The following FHOD3 variants were observed in gnomAD, a reference collection of about 807,000 sequenced individuals.
FHOD3 encodes FH1/FH2 domain-containing protein 3.
In FHOD3, 90 loss-of-function variants were observed where a neutral mutation model predicts 173.0. The ratio of observed to expected loss-of-function variants is 0.52; its 90% CI spans 0.44 to 0.62. FHOD3 has a LOEUF of 0.62. FHOD3 is among the 20% of genes least tolerant of loss of function. The probability of loss-of-function intolerance (pLI) is 0.00; values close to 1 mark genes in which losing one functional copy is unlikely to be tolerated. For missense variants in FHOD3, 1,945 were observed against 2,034.7 expected (o/e 0.96, Z 0.85); for synonymous variants, 828 against 823.0 (o/e 1.01, Z -0.10).
At chr18:36,402,364 A>G (rs1446944797) in intron 3 of FHOD3, among the ~76,000 whole-genome samples, 3 of 152,168 alleles carry the variant, frequency 2.0e-5, no homozygotes, top group Admixed American at 6.6e-5. Context: ...TTATATACAC[A>G]CATAACCCAT....
At chr18:36,479,219 A>T (rs1053999056) in intron 3 of FHOD3, among the ~76,000 whole-genome samples, 2 of 152,258 alleles carry the variant, frequency 1.3e-5, no homozygotes, top group Non-Finnish European at 2.9e-5. Flanking sequence ...ATGAAAGATT[A>T]TGCCTTAAAT....
chr18:36,623,067 A>G (rs1233707478), intron 9 of FHOD3, among the ~76,000 whole-genome samples: 1 of 152,168 alleles, frequency 6.6e-6, no homozygotes, highest in East Asian at 1.9e-4. Flanking sequence ...AATTATCTGA[A>G]CTTCAGAAAG....
rs1161500737 is a variant in FHOD3, at chr18:36,640,772, C to T, written c.1197-8544C>T. Among the ~76,000 whole-genome samples, 3 of 151,798 alleles carry T rather than the reference C, an allele frequency of 2.0e-5. No individual in the cohort carries two copies. The South Asian group carries it at 6.3e-4, about 32-fold the overall frequency. On this transcript the variant is annotated intron_variant, in intron 10 of 28. Coordinates refer to ENST00000590592, the MANE Select transcript of FHOD3 (RefSeq NM_001281740.3). ...TGGTCTTCTGGGAGCTGTACGCAGC[C>T]TTGTCCAATACGAGGCATTATTTTT...
In FHOD3 at chr18:36,652,754, C is replaced by G; in HGVS notation, c.1471C>G (p.Pro491Ala). The G allele has an allele frequency of 1.3e-6, 2 of 1,535,962 alleles. No homozygotes were observed. Among genetic ancestry groups the G allele is most frequent in the Non-Finnish European group, 8.7e-7 (1 of 1,146,738 alleles). ...SEATPSALLSPPASAARPSSA... is the reference protein window; with the variant it reads ...SEATPSALLSAPASAARPSSA... ...GGCCACCCCATCTGCCCTCCTGTCA[C>G]CCCCTGCCTCAGCTGCTCGGCCCTC... is the stretch of plus-strand genomic sequence containing the variant. The change falls in exon 12 of 29, where the codon CCC (proline) becomes GCC (alanine). Residue 491 changes from proline to alanine, a missense_variant. Physicochemically the swap from Pro to Ala is conservative, Grantham distance 27 (BLOSUM62 -1). Around this residue, in one of 5 missense-constraint regions of FHOD3, gnomAD observed 1,099 missense variants for 1,051.2 expected, o/e 1.05. Transcript: ENST00000590592.
intron 19 of FHOD3, among the ~76,000 whole-genome samples, chr18:36,726,179 A>T (rs1348080465): frequency 6.6e-6 from 1 of 150,990 alleles, no homozygotes; most frequent in Non-Finnish European, 1.5e-5. Flanking sequence ...ATATATAAAT[A>T]TATATAATTA....
At chr18:36,463,803 A>G (rs2052740289) in intron 3 of FHOD3, among the ~76,000 whole-genome samples, 1 of 152,188 alleles carries the variant, frequency 6.6e-6, no homozygotes, top group African/African-American at 2.4e-5. Flanking sequence ...CCAAGTGCCA[A>G]TTTATTTGCA....
At chr18:36,766,045 A>G (rs989882943) in intron 27 of FHOD3, among the ~76,000 whole-genome samples, 5 of 152,128 alleles carry the variant, frequency 3.3e-5, no homozygotes, top group African/African-American at 1.2e-4. Context: ...AAATAAATAA[A>G]TAAATAAATA....
intron 10 of FHOD3, among the ~76,000 whole-genome samples, chr18:36,637,887 A>T (rs2035003283): frequency 6.6e-6 from 1 of 152,214 alleles, no homozygotes; most frequent in Admixed American, 6.5e-5. Context: ...TGGATGATTT[A>T]TGTTGTGGAT....
intron 1 of FHOD3, 21 bp downstream of exon 1, chr18:36,298,021 C>A: frequency 6.7e-7 from 1 of 1,499,264 alleles, no homozygotes; most frequent in Non-Finnish European, 8.9e-7. Flanking sequence ...GCGGGGTGGG[C>A]TGGGCCCCCT....
chr18:36,637,548 A>T (rs2034977435), intron 10 of FHOD3, among the ~76,000 whole-genome samples: 1 of 152,306 alleles, frequency 6.6e-6, no homozygotes, highest in East Asian at 1.9e-4. Context: ...GAGGCACCGT[A>T]CTAGGCCCCA....
At chr18:36,303,043 G>A (rs2091995702) in intron 1 of FHOD3, among the ~76,000 whole-genome samples, 1 of 152,198 alleles carries the variant, frequency 6.6e-6, no homozygotes, top group South Asian at 2.1e-4. Flanking sequence ...ATCTGGGTTG[G>A]AATAGACTGG....
intron 3 of FHOD3, among the ~76,000 whole-genome samples, chr18:36,482,627 G>T (rs1007677661): frequency 1.3e-5 from 2 of 152,142 alleles, no homozygotes; most frequent in Non-Finnish European, 2.9e-5. Context: ...TGGTTCCTCT[G>T]CTGTGGGTCT....
chr18:36,600,907 C>T (rs1490503275), intron 7 of FHOD3, among the ~76,000 whole-genome samples: 2 of 152,190 alleles, frequency 1.3e-5, no homozygotes, highest in Non-Finnish European at 2.9e-5. Context: ...ATGGGTAACT[C>T]ACTACAACAT....
chr18:36,709,025 T>C (rs1324648307), intron 17 of FHOD3, 70 bp from the exon 18 acceptor site: 3 of 1,543,654 alleles, frequency 1.9e-6, no homozygotes, highest in African/African-American at 2.7e-5. Flanking sequence ...AACCTCACAT[T>C]CATTCTCACC....
At chr18:36,389,597 T>C (rs2048198925) in intron 3 of FHOD3, among the ~76,000 whole-genome samples, 1 of 150,368 alleles carries the variant, frequency 6.7e-6, no homozygotes, top group African/African-American at 2.5e-5. Flanking sequence ...TCCTGGAGCA[T>C]TGTTGTTATT....
chr18:36,479,771 T>A (rs1190543185), intron 3 of FHOD3, among the ~76,000 whole-genome samples: 2 of 152,166 alleles, frequency 1.3e-5, no homozygotes, highest in African/African-American at 4.8e-5. Context: ...GATCCATAAA[T>A]GTGTAAAATG....
intron 17 of FHOD3, 132 bp from the exon 18 acceptor site, chr18:36,708,963 G>A (rs1378833656): frequency 1.8e-6 from 2 of 1,089,298 alleles, no homozygotes; most frequent in African/African-American, 1.6e-5. Context: ...AATAACCAGG[G>A]CATAGGTCTC....
intron 3 of FHOD3, among the ~76,000 whole-genome samples, chr18:36,435,464 T>C (rs1263690691): frequency 6.6e-6 from 1 of 152,180 alleles, no homozygotes; most frequent in East Asian, 1.9e-4. Context: ...ATTAGTACTT[T>C]GTGGGTTTCT....
At chr18:36,703,215 C>T (rs2039684991) in intron 17 of FHOD3, among the ~76,000 whole-genome samples, 2 of 152,140 alleles carry the variant, frequency 1.3e-5, no homozygotes, top group Non-Finnish European at 2.9e-5. Context: ...GAAACAGTGG[C>T]CTGACAACCT....
Sources: allele counts gnomAD v4.1 joint callset (sites outside exome capture counted in the v4.1 genomes callset), GRCh38; gene constraint gnomAD v4.1.1; regional missense constraint gnomAD v4.1.1; transcripts MANE v1.5; gene names NCBI Gene and HGNC (gene_info 2026-07-23, HGNC 2026-07-21).